ALDH1A3: variants seen among roughly 807,000 people sequenced by gnomAD.
ALDH1A3 encodes the protein retinaldehyde dehydrogenase 3.
ALDH1A3 carries 28 observed loss-of-function variants against 57.5 expected under a neutral mutation model. The observed-to-expected ratio is 0.49, with a 90% CI of 0.36 to 0.67. ALDH1A3 has a LOEUF of 0.67. Ranked by LOEUF, ALDH1A3 falls within the 30% of genes least tolerant of loss-of-function variation. The pLI, the probability that ALDH1A3 is intolerant of heterozygous loss-of-function variation, is 0.00. For missense variants in ALDH1A3, 507 were observed against 669.4 expected (o/e 0.76, Z 2.68); for synonymous variants, 281 against 264.8 (o/e 1.06, Z -0.59).
At chr15:100,882,446 C>T (rs1422888377) in intron 1 of ALDH1A3, among the ~76,000 whole-genome samples, 2 of 152,184 alleles carry the variant, frequency 1.3e-5, no homozygotes, top group Non-Finnish European at 2.9e-5. Flanking sequence ...ATTTTTAAAA[C>T]ACCGGTTTTT....
At chr15:100,899,254 A>G (rs778678477) in intron 8 of ALDH1A3, among the ~76,000 whole-genome samples, 2 of 152,192 alleles carry the variant, frequency 1.3e-5, no homozygotes, top group African/African-American at 2.4e-5. Context: ...TATGAATAGC[A>G]AGTGGTTTTT....
At position 100,893,259 on chromosome 15, in the gene ALDH1A3, G is replaced by A; in HGVS notation, c.537+253G>A. On this transcript the variant is annotated intron_variant, in intron 5 of 12. Coordinates refer to ENST00000329841, the MANE Select transcript of ALDH1A3 (RefSeq NM_000693.4). This position sits in a 1 kb window ranked among gnomAD's most constrained non-coding sequence, Gnocchi z 4.8. ...CAGCCAGAGTGGTCAGGAATGGCCA[G>A]CATTCCCAGGAAGGTGGTCTCTTAG... The A allele has an allele frequency of 2.6e-6, 1 of 391,880 alleles. No homozygotes were observed. The highest frequency in any genetic ancestry group is 4.5e-6 in the Non-Finnish European group (1 of 220,552). The allele number at this position is 391,880 out of a possible 1,614,324, so 24.3% of individuals were successfully genotyped here.
chr15:100,883,250 T>A (rs2041563192), intron 1 of ALDH1A3, among the ~76,000 whole-genome samples: 1 of 152,204 alleles, frequency 6.6e-6, no homozygotes, highest in South Asian at 2.1e-4. Context: ...ATTTCATCTT[T>A]CTACAAATGG....
chr15:100,888,260 G>T (rs1048985368), intron 3 of ALDH1A3, among the ~76,000 whole-genome samples: 1 of 151,864 alleles, frequency 6.6e-6, no homozygotes, highest in East Asian at 1.9e-4. Flanking sequence ...CACCATGCCC[G>T]GCTAATTTTT....
At chr15:100,914,616 T>A in intron 12 of ALDH1A3, 85 bp from the exon 13 acceptor site, 2 of 1,328,652 alleles carry the variant, frequency 1.5e-6, no homozygotes, top group Non-Finnish European at 2.1e-6. Context: ...AACGGCCTGA[T>A]GGAATGATGA....
In ALDH1A3 at chr15:100,889,496, C is replaced by T. The variant is rs563336546; in HGVS notation, c.345+1784C>T. Among the ~76,000 whole-genome samples, 6 of 152,328 alleles carry T rather than the reference C, an allele frequency of 3.9e-5. No homozygotes were observed. Among genetic ancestry groups the T allele is most frequent in the Middle Eastern group, 3.4e-3 (1 of 294 alleles). On this transcript the variant is annotated intron_variant, in intron 3 of 12. Transcript: ENST00000329841. This position sits in a 1 kb window ranked among gnomAD's most constrained non-coding sequence, Gnocchi z 5.1. ...AGGAGCCTCTGGTTTCTTCCTGCAA[C>T]GTAAGCCAGCGTCAACCCTCAAGCT...
intron 9 of ALDH1A3, among the ~76,000 whole-genome samples, chr15:100,901,908 A>ACC (rs2041773119): frequency 6.6e-6 from 1 of 152,110 alleles, no homozygotes; most frequent in Admixed American, 6.5e-5. Context: ...ACGCCACGTG[A>ACC]CCCTGGCAGA....
rs2041726980 is a variant in ALDH1A3 at position 100,898,109 on chromosome 15, GT to G, written c.808del (p.Ser270ProfsTer5). The G allele has an allele frequency of 6.2e-7, 1 of 1,614,096 alleles. No homozygotes were observed. The highest frequency in any genetic ancestry group is 8.5e-7 in the Non-Finnish European group (1 of 1,179,982). On this transcript the variant is annotated frameshift_variant, in exon 8 of 13. Transcript: ENST00000329841. LOFTEE classifies it high-confidence loss of function. Reference sequence around the variant, plus strand: ...TTGGAAAACTGGTTAAAGAAGCTGCGTCCCGGAGCAATCTGAAGCGGGTGAC... The same window carrying G: ...TTGGAAAACTGGTTAAAGAAGCTGCGCCCGGAGCAATCTGAAGCGGGTGAC... Reference protein sequence around the residue: ...EVGKLVKEAASRSNLKRVTLE... With the variant: ...EVGKLVKEAAXRSNLKRVTLE...
At position 100,893,656 on chromosome 15, in the gene ALDH1A3, A is replaced by G. The variant is rs1596125169; in HGVS notation, c.538-298A>G. ...GGTGGCAACATGAAGTGAGGGTTCA[A>G]AAAGTGCCCATGGAGGCAGGGAGGA... On this transcript the variant is annotated intron_variant, in intron 5 of 12. Coordinates refer to ENST00000329841, the MANE Select transcript of ALDH1A3 (RefSeq NM_000693.4). The surrounding 1 kb of genome is among the most constrained non-coding windows in gnomAD (Gnocchi z 4.8). 1 of 276,364 alleles carries G rather than the reference A, an allele frequency of 3.6e-6. No individual in the cohort carries two copies. Among genetic ancestry groups the G allele is most frequent in the Admixed American group, 4.8e-5 (1 of 20,854 alleles). The allele number at this position is 276,364 out of a possible 1,614,324, so 17.1% of individuals were successfully genotyped here.
chr15:100,895,658 G>T lies in ALDH1A3; in HGVS notation c.667-275G>T. On this transcript the variant is annotated intron_variant, in intron 6 of 12. Transcript: ENST00000329841. ...CACCTTGAAGCATAACCACACATTT[G>T]CACTGCATATCACTTTGGGATGGGG... 8.1e-6 allele frequency: 4 copies of T among 492,302 alleles called. 1 individual carries two copies. The South Asian group carries it at 9.8e-5, about 12-fold the overall frequency. 30.5% of individuals were successfully genotyped at this position (492,302 alleles called of 1,614,324 possible). A position where few individuals can be genotyped will look rare whatever the true frequency, so the allele number is the denominator to read the frequency against.
chr15:100,909,666 G>A (rs996454147), intron 12 of ALDH1A3, among the ~76,000 whole-genome samples: 14 of 152,164 alleles, frequency 9.2e-5, no homozygotes, highest in Non-Finnish European at 1.9e-4. Flanking sequence ...CTGGGAAAAT[G>A]AGTTCCCTAG....
At position 100,893,131 on chromosome 15, in the gene ALDH1A3, G is replaced by T; in HGVS notation, c.537+125G>T. On this transcript the variant is annotated intron_variant, in intron 5 of 12. Transcript: ENST00000329841. The surrounding 1 kb of genome is among the most constrained non-coding windows in gnomAD (Gnocchi z 4.8). ...CCAGCGTTGAACAAGCATTTTCTTCGTGGCATGGAACTCCATGCTTGGGGG... is the reference window on the plus strand; with the variant it reads ...CCAGCGTTGAACAAGCATTTTCTTCTTGGCATGGAACTCCATGCTTGGGGG... 1 of 838,562 alleles carries T rather than the reference G, an allele frequency of 1.2e-6. No individual in the cohort carries two copies. 51.9% of individuals were successfully genotyped at this position (838,562 alleles called of 1,614,324 possible).
intron 12 of ALDH1A3, among the ~76,000 whole-genome samples, chr15:100,912,535 C>T (rs941880948): frequency 2.6e-5 from 4 of 152,200 alleles, no homozygotes; most frequent in Non-Finnish European, 5.9e-5. Context: ...TAGAATTTAG[C>T]ATTCTGTTTA....
chr15:100,905,480 C>G, intron 9 of ALDH1A3, 43 bp from the exon 10 acceptor site: 1 of 1,613,370 alleles, frequency 6.2e-7, no homozygotes. Context: ...GCAGCCACTG[C>G]CCAGAAGGAA....
chr15:100,885,684 G>T (rs1313805615), intron 2 of ALDH1A3, among the ~76,000 whole-genome samples: 3 of 147,750 alleles, frequency 2.0e-5, no homozygotes, highest in African/African-American at 7.6e-5. Flanking sequence ...CAATTATTTG[G>T]ACCTGGAGGC....
chr15:100,910,515 A>C (rs1468395740), intron 12 of ALDH1A3, among the ~76,000 whole-genome samples: 3 of 152,220 alleles, frequency 2.0e-5, no homozygotes, highest in Admixed American at 6.5e-5. Flanking sequence ...CTGTTCCTTC[A>C]TACCATCCTC....
intron 10 of ALDH1A3, 99 bp downstream of exon 10, chr15:100,905,786 G>GT (rs1412311629): frequency 2.5e-5 from 31 of 1,264,028 alleles, no homozygotes; most frequent in African/African-American, 1.4e-4. Flanking sequence ...TGATCTGAGT[G>GT]TTTTTTTGTT....
chr15:100,900,829 C>T (rs1005521247), intron 9 of ALDH1A3, 70 bp downstream of exon 9: 10 of 1,531,372 alleles, frequency 6.5e-6, no homozygotes, highest in Middle Eastern at 1.7e-4. Flanking sequence ...CCATGGCAAC[C>T]GCCTACAGGG....
At chr15:100,899,706 G>T (rs2041746976) in intron 8 of ALDH1A3, among the ~76,000 whole-genome samples, 1 of 152,022 alleles carries the variant, frequency 6.6e-6, no homozygotes, top group African/African-American at 2.4e-5. Flanking sequence ...GTGCAGAGAG[G>T]TACCCCCAAA....
Sources: allele counts gnomAD v4.1 joint callset (sites outside exome capture counted in the v4.1 genomes callset), GRCh38; gene constraint gnomAD v4.1.1; non-coding constraint Gnocchi (gnomAD v3.1); transcripts MANE v1.5; gene names NCBI Gene and HGNC (gene_info 2026-07-23, HGNC 2026-07-21).